Variants in ESR2 observed in about 807,000 individuals in gnomAD.
ESR2 encodes estrogen receptor 2, also known as estrogen receptor beta.
In ESR2, 36 loss-of-function variants were observed where a neutral mutation model predicts 49.6. That is an observed-to-expected ratio of 0.73 (90% CI 0.56 to 0.96). The LOEUF (loss-of-function observed/expected upper bound fraction) is 0.96. Among genes scored for constraint, ESR2 ranks in the 40% least tolerant of loss-of-function variants. The pLI is 0.00. For synonymous variants in ESR2, 320 were observed against 266.1 expected (o/e 1.20, Z -1.97); for missense variants, 714 against 693.0 (o/e 1.03, Z -0.34).
chr14:64,236,395 C>T (rs1160569818), intron 7 of ESR2, among the ~76,000 whole-genome samples: 5 of 152,134 alleles, frequency 3.3e-5, no homozygotes, highest in African/African-American at 4.8e-5. Context: ...CCAGAGATGA[C>T]TTGCCCTCCC....
chr14:64,272,112 A>G (rs192267661), intron 3 of ESR2, among the ~76,000 whole-genome samples: 144 of 152,304 alleles, frequency 9.5e-4, no homozygotes, highest in Middle Eastern at 6.8e-3. Flanking sequence ...GTAAGATGGT[A>G]TCTCATTGTA....
chr14:64,306,344 C>T (rs1342719497), intron 1 of ESR2, among the ~76,000 whole-genome samples: 1 of 152,168 alleles, frequency 6.6e-6, no homozygotes, highest in African/African-American at 2.4e-5. Context: ...TACTCCACTC[C>T]GTCCTGTCCT....
intron 4 of ESR2, among the ~76,000 whole-genome samples, chr14:64,263,165 G>A (rs927232009): frequency 2.0e-5 from 3 of 152,114 alleles, no homozygotes; most frequent in Non-Finnish European, 4.4e-5. Flanking sequence ...TAGATTAGGT[G>A]TAAGAGATAT....
chr14:64,328,902 C>G (rs1412166875), intron 1 of ESR2, among the ~76,000 whole-genome samples: 3 of 152,080 alleles, frequency 2.0e-5, no homozygotes, highest in African/African-American at 7.2e-5. Flanking sequence ...AGCCCCTTGG[C>G]TCTGATATTA....
intron 1 of ESR2, among the ~76,000 whole-genome samples, chr14:64,293,152 G>A (rs1290511603): frequency 2.0e-5 from 3 of 152,154 alleles, no homozygotes; most frequent in Non-Finnish European, 4.4e-5. Context: ...TGTTAATCAT[G>A]TTCTTTTCAT....
At chr14:64,299,121 TAAGTC>T (rs957502552), upstream of ESR2, among the ~76,000 whole-genome samples, 1 of 150,742 alleles carries the variant, frequency 6.6e-6, no homozygotes, top group African/African-American at 2.4e-5. Flanking sequence ...AAGATATTAA[TAAGTC>T]AGCCAGTGTA....
intron 1 of ESR2, among the ~76,000 whole-genome samples, chr14:64,309,501 C>T (rs1282029284): frequency 6.6e-6 from 1 of 151,014 alleles, no homozygotes; most frequent in Non-Finnish European, 1.5e-5. Flanking sequence ...ATCCCAGCTA[C>T]TCTGGAGGCT....
At chr14:64,270,828 G>T (rs1596430001) in intron 3 of ESR2, among the ~76,000 whole-genome samples, 1 of 152,146 alleles carries the variant, frequency 6.6e-6, no homozygotes, top group East Asian at 1.9e-4. Flanking sequence ...TAATTAAAAA[G>T]CTAATTGTAA....
chr14:64,246,487 C>G (rs926817394), intron 7 of ESR2, among the ~76,000 whole-genome samples: 4 of 152,068 alleles, frequency 2.6e-5, no homozygotes, highest in Non-Finnish European at 4.4e-5. Flanking sequence ...TCAATTAAAT[C>G]TCTTTCCTTT....
chr14:64,261,950 A>T (rs1034698621), intron 4 of ESR2, among the ~76,000 whole-genome samples: 2 of 151,898 alleles, frequency 1.3e-5, no homozygotes. Flanking sequence ...CTAGGGTCTT[A>T]CTATGTTACC....
chr14:64,293,470 C>T (rs1374735635), intron 1 of ESR2, among the ~76,000 whole-genome samples: 1 of 152,190 alleles, frequency 6.6e-6, no homozygotes, highest in East Asian at 1.9e-4. Context: ...AAATGACATT[C>T]ACTTGACTTA....
At chr14:64,290,632 C>A (rs1489867131) in intron 1 of ESR2, among the ~76,000 whole-genome samples, 4 of 150,880 alleles carry the variant, frequency 2.7e-5, no homozygotes, top group Non-Finnish European at 5.9e-5. Flanking sequence ...TGAACTCCTG[C>A]CCTCAAGTGA....
intron 7 of ESR2, among the ~76,000 whole-genome samples, chr14:64,245,003 G>A (rs906101091): frequency 6.6e-6 from 1 of 151,982 alleles, no homozygotes; most frequent in South Asian, 2.1e-4. Context: ...TATTCTGTCA[G>A]GGTTTTAAAT....
At chr14:64,313,525 T>C (rs2077208301) in intron 1 of ESR2, among the ~76,000 whole-genome samples, 5 of 89,740 alleles carry the variant, frequency 5.6e-5, no homozygotes, top group Admixed American at 2.5e-4. Flanking sequence ...ACAGTGAGGC[T>C]CTGTCAAAAA....
intron 1 of ESR2, among the ~76,000 whole-genome samples, chr14:64,292,335 G>A (rs2076886054): frequency 6.6e-6 from 1 of 152,194 alleles, no homozygotes; most frequent in Non-Finnish European, 1.5e-5. Context: ...GGGGTAGGTA[G>A]AGGTACAAAG....
In ESR2 at chr14:64,260,689, G is replaced by GACAT; in HGVS notation, c.711_712insATGT (p.Gln238MetfsTer40). ...TTGGCCTTGCCGGCACAGTGCAGCT[G>GACAT]CTCGTCGGCACTTCTCTGTCTCCGC... On this transcript the variant is annotated frameshift_variant, in exon 5 of 9. Transcript: ENST00000341099. LOFTEE classifies it high-confidence loss of function. 2 of 1,553,554 alleles carry GACAT rather than the reference G, an allele frequency of 1.3e-6. No individual in the cohort carries two copies. The highest frequency in any genetic ancestry group is 3.8e-5 in the Admixed American group (2 of 52,208).
intron 1 of ESR2, among the ~76,000 whole-genome samples, chr14:64,304,127 T>C (rs1178626526): frequency 1.3e-5 from 2 of 152,136 alleles, no homozygotes; most frequent in African/African-American, 4.8e-5. Flanking sequence ...CTGAGCAACA[T>C]GGCAAAACTC....
At chr14:64,243,155 C>A (rs7151379) in intron 7 of ESR2, among the ~76,000 whole-genome samples, 2,853 of 152,254 alleles carry the variant, frequency 0.019, 91 homozygotes, top group African/African-American at 0.065. Flanking sequence ...GGTATTATTC[C>A]TTCCTCAAAT....
In ESR2 at chr14:64,228,369, A is replaced by G. The variant is rs1152579; in HGVS notation, c.*4768T>C. On this transcript the variant is annotated 3_prime_UTR_variant, in exon 9 of 9. Coordinates refer to ENST00000341099, the MANE Select transcript of ESR2 (RefSeq NM_001437.3). ...TTATTTATATCATGTTAAACTCTCT[A>G]CGACAGTGCCATAGACATTAAAGGG... is the stretch of plus-strand genomic sequence containing the variant. 0.66 allele frequency among the ~76,000 whole-genome samples: 100,454 copies of G among 152,104 alleles called. 34,711 individuals are homozygous for G. The highest frequency in any genetic ancestry group is 0.88 in the African/African-American group (36,537 of 41,518).
Sources: allele counts gnomAD v4.1 joint callset (sites outside exome capture counted in the v4.1 genomes callset), GRCh38; gene constraint gnomAD v4.1.1; transcripts MANE v1.5; gene names NCBI Gene and HGNC (gene_info 2026-07-23, HGNC 2026-07-21).